The following PLXNA4 variants were observed in gnomAD, a reference collection of about 807,000 sequenced individuals.
PLXNA4 encodes plexin-A4.
A neutral mutation model predicts 191.8 loss-of-function variants in PLXNA4; 44 were observed. The ratio of observed to expected loss-of-function variants is 0.23; its 90% CI spans 0.18 to 0.29. The LOEUF is 0.29. PLXNA4 is among the 10% of genes least tolerant of loss of function. The pLI is 1.00. For synonymous variants in PLXNA4, 1,082 were observed against 1,009.5 expected, an observed-to-expected ratio of 1.07 and a Z score of -1.36; for missense variants, 1,800 against 2,488.8, an observed-to-expected ratio of 0.72 and a Z score of 5.89.
chr7:132,536,511 G>C (rs890166748), intron 1 of PLXNA4, among the ~76,000 whole-genome samples: 7 of 152,156 alleles, frequency 4.6e-5, no homozygotes, highest in Admixed American at 4.6e-4. Flanking sequence ...TCTGAACAAG[G>C]CTTCCTTCAG....
At chr7:132,506,740 G>C (rs1251906146) in intron 2 of PLXNA4, among the ~76,000 whole-genome samples, 1 of 152,186 alleles carries the variant, frequency 6.6e-6, no homozygotes, top group Non-Finnish European at 1.5e-5. Flanking sequence ...GCCATGCGAA[G>C]ACCCCTAAGC....
intron 20 of PLXNA4, among the ~76,000 whole-genome samples, chr7:132,175,888 A>G (rs1796440955): frequency 6.6e-6 from 1 of 152,230 alleles, no homozygotes; most frequent in Admixed American, 6.5e-5. Flanking sequence ...GGCATTAACT[A>G]TTAAAAAATA....
At chr7:132,599,703 A>G (rs1350087575) in intron 2 of PLXNA4, among the ~76,000 whole-genome samples, 1 of 145,990 alleles carries the variant, frequency 6.8e-6, no homozygotes, top group African/African-American at 2.5e-5. Context: ...TTCTTTTTTT[A>G]TAGTCAAACA....
At chr7:132,436,221 C>A (rs1488164767) in intron 3 of PLXNA4, among the ~76,000 whole-genome samples, 1 of 152,220 alleles carries the variant, frequency 6.6e-6, no homozygotes, top group Non-Finnish European at 1.5e-5. Flanking sequence ...GGCAATCACC[C>A]AAACACGCTG....
chr7:132,252,987 C>G (rs775956215), intron 4 of PLXNA4, among the ~76,000 whole-genome samples: 3 of 152,124 alleles, frequency 2.0e-5, no homozygotes, highest in Non-Finnish European at 4.4e-5. Context: ...TTTCAAAAGA[C>G]AACTGTGCAG....
At chr7:132,310,933 C>T (rs1174185173) in intron 3 of PLXNA4, among the ~76,000 whole-genome samples, 1 of 152,192 alleles carries the variant, frequency 6.6e-6, no homozygotes, top group Non-Finnish European at 1.5e-5. Flanking sequence ...GAGGATGCAA[C>T]TTCAACAAGG....
intron 1 of PLXNA4, among the ~76,000 whole-genome samples, chr7:132,525,383 G>A (rs1799359654): frequency 6.6e-6 from 1 of 152,128 alleles, no homozygotes; most frequent in Non-Finnish European, 1.5e-5. Flanking sequence ...CTGGGTAGCT[G>A]GGACAGCATG....
At chr7:132,514,293 C>T (rs1358791676) in intron 1 of PLXNA4, among the ~76,000 whole-genome samples, 9 of 147,266 alleles carry the variant, frequency 6.1e-5, no homozygotes, top group East Asian at 4.2e-4. Context: ...CCTCATGATC[C>T]GCCCGCCTCG....
chr7:132,559,176 G>A (rs1406207556), intron 1 of PLXNA4, among the ~76,000 whole-genome samples: 2 of 152,272 alleles, frequency 1.3e-5, no homozygotes, highest in African/African-American at 2.4e-5. Context: ...GTGCAGCTCC[G>A]TAAATGTATT....
intron 3 of PLXNA4, among the ~76,000 whole-genome samples, chr7:132,423,917 C>T (rs371843704): frequency 3.3e-5 from 5 of 152,188 alleles, no homozygotes; most frequent in Non-Finnish European, 5.9e-5. Flanking sequence ...TCTAGGAGAA[C>T]GCACCACTCC....
At chr7:132,183,260 G>A (rs1010779951) in intron 16 of PLXNA4, among the ~76,000 whole-genome samples, 1 of 152,184 alleles carries the variant, frequency 6.6e-6, no homozygotes, top group Non-Finnish European at 1.5e-5. Context: ...GAAACTCGGA[G>A]AGGCTCTTGC....
At chr7:132,417,911 T>C (rs1794715191) in intron 3 of PLXNA4, among the ~76,000 whole-genome samples, 2 of 152,184 alleles carry the variant, frequency 1.3e-5, no homozygotes, top group South Asian at 2.1e-4. Flanking sequence ...GAAATTGCTT[T>C]CTCTGCAACC....
intron 3 of PLXNA4, among the ~76,000 whole-genome samples, chr7:132,315,918 G>A (rs951805398): frequency 6.6e-6 from 1 of 152,208 alleles, no homozygotes; most frequent in African/African-American, 2.4e-5. Flanking sequence ...TGGGAGGGAA[G>A]CCCAGAGTGG....
chr7:132,177,587 A>C (rs1473992839), intron 20 of PLXNA4, among the ~76,000 whole-genome samples: 3 of 152,098 alleles, frequency 2.0e-5, no homozygotes, highest in African/African-American at 7.2e-5. Flanking sequence ...GGGAGCTCCC[A>C]TCGGCTGCTC....
chr7:132,517,127 G>T (rs1195683237), intron 1 of PLXNA4, among the ~76,000 whole-genome samples: 2 of 152,148 alleles, frequency 1.3e-5, no homozygotes, highest in East Asian at 3.9e-4. Flanking sequence ...AATCTCAATT[G>T]TGCAGGTGGA....
chr7:132,191,855 T>C (rs1797102488), intron 14 of PLXNA4, among the ~76,000 whole-genome samples: 1 of 151,570 alleles, frequency 6.6e-6, no homozygotes, highest in African/African-American at 2.4e-5. Flanking sequence ...CACACACATA[T>C]ATATGCATGC....
intron 4 of PLXNA4, among the ~76,000 whole-genome samples, chr7:132,260,153 A>G (rs1226488828): frequency 6.6e-6 from 1 of 152,216 alleles, no homozygotes; most frequent in Non-Finnish European, 1.5e-5. Flanking sequence ...CAATCCCATT[A>G]CTAGGTATCA....
chr7:132,308,759 T>A (rs1023244671), intron 3 of PLXNA4, among the ~76,000 whole-genome samples: 1 of 152,204 alleles, frequency 6.6e-6, no homozygotes. Context: ...CAAGCATGGA[T>A]AATACTTGGC....
At chr7:132,254,441 C>A (rs1368062138) in intron 4 of PLXNA4, among the ~76,000 whole-genome samples, 1 of 152,204 alleles carries the variant, frequency 6.6e-6, no homozygotes, top group Non-Finnish European at 1.5e-5. Flanking sequence ...GCACAGGCTT[C>A]TGAAGTCCTA....
Sources: gnomAD v4.1 joint callset for allele counts (sites outside exome capture counted in the v4.1 genomes callset) on GRCh38, gnomAD v4.1.1 for gene constraint, MANE v1.5 for transcripts, NCBI Gene and HGNC (gene_info 2026-07-23, HGNC 2026-07-21) for gene names.